Variants in SLC38A1 observed in about 807,000 individuals in gnomAD.
SLC38A1 encodes the protein sodium-coupled neutral amino acid symporter 1.
Under a neutral mutation model 60.3 loss-of-function variants are expected in SLC38A1, and 18 were observed. That is an observed-to-expected ratio of 0.30 (90% CI 0.21 to 0.44). The LOEUF (loss-of-function observed/expected upper bound fraction) is 0.44, where lower values mean the gene tolerates loss of function less well. SLC38A1 is among the 20% of genes least tolerant of loss of function. The pLI is 1.00. For synonymous variants in SLC38A1, 196 were observed against 212.1 expected (o/e 0.92, Z 0.66); for missense variants, 448 against 587.2 (o/e 0.76, Z 2.45).
At chr12:46,266,295 G>A (rs1043243222) in intron 1 of SLC38A1, among the ~76,000 whole-genome samples, 4 of 152,052 alleles carry the variant, frequency 2.6e-5, no homozygotes, top group African/African-American at 9.7e-5. Flanking sequence ...GAAACATGGT[G>A]CTCCTTTCAT....
chr12:46,251,091 A>C (rs1592147073), intron 1 of SLC38A1, among the ~76,000 whole-genome samples: 1 of 152,334 alleles, frequency 6.6e-6, no homozygotes, highest in Non-Finnish European at 1.5e-5. Context: ...CTGACTTCAA[A>C]CTATGCTACA....
chr12:46,231,683 TCTCA>T (rs1174922111), intron 3 of SLC38A1, among the ~76,000 whole-genome samples: 6 of 152,132 alleles, frequency 3.9e-5, no homozygotes, highest in Non-Finnish European at 7.4e-5. Context: ...TGAGACAGAG[TCTCA>T]CTCAGTCACC....
At chr12:46,221,705 T>C (rs1940665552) in intron 5 of SLC38A1, among the ~76,000 whole-genome samples, 1 of 152,212 alleles carries the variant, frequency 6.6e-6, no homozygotes, top group African/African-American at 2.4e-5. Flanking sequence ...GGAAGATGAT[T>C]TCAACAAGGA....
chr12:46,261,847 T>C (rs892022149), intron 1 of SLC38A1, among the ~76,000 whole-genome samples: 2 of 152,162 alleles, frequency 1.3e-5, no homozygotes, highest in Admixed American at 1.3e-4. Context: ...ATTGTGTCCC[T>C]CTCCCTGCCC....
intron 3 of SLC38A1, among the ~76,000 whole-genome samples, chr12:46,236,486 T>A (rs890340101): frequency 3.3e-5 from 5 of 152,152 alleles, no homozygotes; most frequent in Admixed American, 6.5e-5. Flanking sequence ...CTTAAAGGGA[T>A]GGGATTGAGG....
intron 3 of SLC38A1, among the ~76,000 whole-genome samples, chr12:46,235,051 C>CAAACA (rs568397641): frequency 1.2e-3 from 180 of 152,226 alleles, no homozygotes; most frequent in Non-Finnish European, 1.9e-3. Flanking sequence ...GCTCTGTGAA[C>CAAACA]AAACAAAACA....
chr12:46,218,765 A>C (rs1031094710), intron 5 of SLC38A1, among the ~76,000 whole-genome samples: 1 of 152,130 alleles, frequency 6.6e-6, no homozygotes, highest in African/African-American at 2.4e-5. Context: ...AGAGTTCTTA[A>C]AGATAATTTG....
chr12:46,203,487 C>A (rs375902701), intron 11 of SLC38A1, among the ~76,000 whole-genome samples: 1 of 152,164 alleles, frequency 6.6e-6, no homozygotes, highest in Non-Finnish European at 1.5e-5. Context: ...GGCGACTGGC[C>A]CAGCACTCCC....
chr12:46,235,974 T>C (rs538034772), intron 3 of SLC38A1, among the ~76,000 whole-genome samples: 2 of 152,326 alleles, frequency 1.3e-5, no homozygotes, highest in East Asian at 1.9e-4. Flanking sequence ...ATCCAAAACC[T>C]AGAGCAATGT....
intron 1 of SLC38A1, among the ~76,000 whole-genome samples, chr12:46,247,790 G>T (rs1346450174): frequency 1.3e-5 from 2 of 152,184 alleles, no homozygotes; most frequent in Admixed American, 1.3e-4. Flanking sequence ...AGAGAGAAAG[G>T]TCGGGTTACC....
intron 1 of SLC38A1, among the ~76,000 whole-genome samples, chr12:46,248,024 T>G (rs1378190901): frequency 6.6e-6 from 1 of 151,996 alleles, no homozygotes; most frequent in African/African-American, 2.4e-5. Flanking sequence ...ATACAAGAGC[T>G]CCTGAAGGAA....
intron 1 of SLC38A1, among the ~76,000 whole-genome samples, chr12:46,246,938 G>C (rs951560689): frequency 5.3e-5 from 8 of 152,220 alleles, no homozygotes; most frequent in African/African-American, 1.9e-4. Context: ...GCAGCTGAGG[G>C]ACCTGACTGT....
intron 1 of SLC38A1, among the ~76,000 whole-genome samples, chr12:46,254,536 A>G (rs1419846721): frequency 6.6e-6 from 1 of 152,232 alleles, no homozygotes; most frequent in African/African-American, 2.4e-5. Context: ...AAGACTTTTT[A>G]GAACCAAGCC....
chr12:46,208,239 T>C (rs1310199721), intron 6 of SLC38A1, among the ~76,000 whole-genome samples: 1 of 152,214 alleles, frequency 6.6e-6, no homozygotes, highest in Middle Eastern at 3.2e-3. Flanking sequence ...GTAGCAAAAT[T>C]TGAAAGTGTT....
intron 16 of SLC38A1, chr12:46,196,073 T>G: frequency 7.0e-7 from 1 of 1,425,818 alleles, no homozygotes; most frequent in Non-Finnish European, 9.5e-7. Flanking sequence ...TGTTCCTATT[T>G]GGCTATCTTG....
chr12:46,256,374 CTTATTA>C (rs1013581725), intron 1 of SLC38A1, among the ~76,000 whole-genome samples: 6 of 151,930 alleles, frequency 3.9e-5, no homozygotes, highest in Non-Finnish European at 8.8e-5. Flanking sequence ...TTGATTTAAG[CTTATTA>C]TTATTAAAGC....
At chr12:46,197,438 C>T (rs11609449) in intron 16 of SLC38A1, 63,292 of 242,386 alleles carry the variant, frequency 0.26, 9,412 homozygotes, top group East Asian at 0.37. Context: ...ACCCGGGAGG[C>T]GGAGCTTACA....
intron 12 of SLC38A1, 117 bp from the exon 13 acceptor site, chr12:46,201,315 A>C: frequency 1.3e-6 from 1 of 782,232 alleles, no homozygotes; most frequent in South Asian, 1.8e-5. Context: ...AGATCTGAAC[A>C]GCTGAAATTA....
chr12:46,254,990 C>T (rs1941973937), intron 1 of SLC38A1: 1 of 152,202 alleles, frequency 6.6e-6, no homozygotes. Flanking sequence ...AAAAAGATTA[C>T]TTTAGTCTTC....
Sources: allele counts gnomAD v4.1 joint callset (sites outside exome capture counted in the v4.1 genomes callset), GRCh38; gene constraint gnomAD v4.1.1; transcripts MANE v1.5; gene names NCBI Gene and HGNC (gene_info 2026-07-23, HGNC 2026-07-21).